Variants in GLIS3 observed in about 807,000 individuals in gnomAD.
GLIS3 encodes GLIS family zinc finger 3, also known as zinc finger protein GLIS3.
In GLIS3, 53 loss-of-function variants were observed where a neutral mutation model predicts 78.6. The ratio of observed to expected loss-of-function variants is 0.67; its 90% CI spans 0.54 to 0.85. GLIS3 has a LOEUF of 0.85. Ranked by LOEUF, GLIS3 falls within the 40% of genes least tolerant of loss-of-function variation. GLIS3 has a pLI of 0.00. For synonymous variants in GLIS3, 684 were observed against 509.9 expected (o/e 1.34, Z -4.60); for missense variants, 1,703 against 1,231.1 (o/e 1.38, Z -5.74).
chr9:4,152,927 C>T (rs1296488263), intron 2 of GLIS3, among the ~76,000 whole-genome samples: 1 of 152,122 alleles, frequency 6.6e-6, no homozygotes, highest in Non-Finnish European at 1.5e-5. Context: ...TTCATTCTTC[C>T]TAACTTTCTT....
intron 2 of GLIS3, among the ~76,000 whole-genome samples, chr9:4,129,756 A>C (rs1447476280): frequency 6.6e-6 from 1 of 152,164 alleles, no homozygotes; most frequent in African/African-American, 2.4e-5. Context: ...GACTAATACC[A>C]AGGAGTGGGG....
chr9:4,167,187 G>A (rs1030693215), intron 2 of GLIS3, among the ~76,000 whole-genome samples: 11 of 152,196 alleles, frequency 7.2e-5, no homozygotes, highest in African/African-American at 2.2e-4. Flanking sequence ...GAGCAAAGCT[G>A]CAACAGGAGC....
the GLIS3 span, among the ~76,000 whole-genome samples, chr9:4,428,144 G>A: frequency 6.6e-6 from 1 of 151,932 alleles, no homozygotes; most frequent in African/African-American, 2.4e-5. Flanking sequence ...GACCCCTTAG[G>A]GAAAGGGAGC....
intron 2 of GLIS3, among the ~76,000 whole-genome samples, chr9:4,282,797 T>C (rs1483765923): frequency 1.3e-5 from 2 of 152,158 alleles, no homozygotes; most frequent in African/African-American, 4.8e-5. Context: ...TATTTGTCTA[T>C]TTCTCTGGAA....
chr9:4,481,572 A>G, the GLIS3 span, among the ~76,000 whole-genome samples: 2 of 151,634 alleles, frequency 1.3e-5, no homozygotes, highest in African/African-American at 4.8e-5. Context: ...TCATTTCCCC[A>G]TGTAATTCCC....
chr9:3,974,285 T>C (rs974654561), intron 4 of GLIS3, among the ~76,000 whole-genome samples: 5 of 152,180 alleles, frequency 3.3e-5, no homozygotes, highest in Admixed American at 2.6e-4. Context: ...AAAGAGACTA[T>C]GGTTTAGTTT....
At chr9:4,307,061 AGTTATGGCAATGAT>A (rs1817243357) in intron 4 of GLIS3, among the ~76,000 whole-genome samples, 1 of 152,222 alleles carries the variant, frequency 6.6e-6, no homozygotes, top group Non-Finnish European at 1.5e-5. Flanking sequence ...GACACAGTTT[AGTTATGGCAATGAT>A]AACAACTCAC....
At chr9:4,362,434 T>C in the GLIS3 span, among the ~76,000 whole-genome samples, 1 of 152,226 alleles carries the variant, frequency 6.6e-6, no homozygotes, top group East Asian at 1.9e-4. Context: ...ATGAGCCATC[T>C]CAGCTGAAGC....
chr9:4,388,162 C>T, the GLIS3 span, among the ~76,000 whole-genome samples: 8,950 of 152,190 alleles, frequency 0.059, 773 homozygotes, highest in African/African-American at 0.19. Flanking sequence ...CAAACCCCTT[C>T]ACAAATAAAA....
intron 2 of GLIS3, among the ~76,000 whole-genome samples, chr9:4,139,452 G>A (rs1833641812): frequency 6.6e-6 from 1 of 152,230 alleles, no homozygotes; most frequent in African/African-American, 2.4e-5. Flanking sequence ...AGAAGACTGA[G>A]GTCCCTGGTG....
intron 2 of GLIS3, among the ~76,000 whole-genome samples, chr9:4,314,789 C>G (rs955301928): frequency 1.8e-4 from 27 of 152,312 alleles, no homozygotes; most frequent in African/African-American, 6.5e-4. Context: ...GTTCCTTTAA[C>G]CTCTGTCCCT....
At chr9:4,462,147 A>T in the GLIS3 span, among the ~76,000 whole-genome samples, 6 of 152,164 alleles carry the variant, frequency 3.9e-5, no homozygotes, top group Non-Finnish European at 7.3e-5. Context: ...GGTCTATAAA[A>T]GGACTCCCCA....
chr9:4,080,213 T>G (rs894454221), intron 4 of GLIS3, among the ~76,000 whole-genome samples: 1 of 152,202 alleles, frequency 6.6e-6, no homozygotes, highest in Non-Finnish European at 1.5e-5. Flanking sequence ...TTCCCATTTA[T>G]TTTTCCAGCA....
chr9:4,420,071 A>C, the GLIS3 span, among the ~76,000 whole-genome samples: 1 of 152,294 alleles, frequency 6.6e-6, no homozygotes, highest in South Asian at 2.1e-4. Context: ...TGGCTGTTGA[A>C]GGCTATCAGC....
chr9:4,474,427 T>C, the GLIS3 span, among the ~76,000 whole-genome samples: 7 of 152,264 alleles, frequency 4.6e-5, no homozygotes, highest in South Asian at 2.1e-4. Context: ...CACATATACA[T>C]ATGCCAAAGT....
chr9:4,458,157 G>T, the GLIS3 span, among the ~76,000 whole-genome samples: 1,619 of 152,200 alleles, frequency 0.011, 7 homozygotes, highest in Middle Eastern at 0.027. Context: ...TGCCAACTTT[G>T]TTCTCTCTTA....
At chr9:4,097,770 A>G (rs1830074608) in intron 4 of GLIS3, among the ~76,000 whole-genome samples, 1 of 152,212 alleles carries the variant, frequency 6.6e-6, no homozygotes, top group South Asian at 2.1e-4. Flanking sequence ...CAGGCAGTTT[A>G]TTGAGATCAT....
At chr9:3,847,830 G>A (rs1819153051) in intron 9 of GLIS3, among the ~76,000 whole-genome samples, 1 of 152,198 alleles carries the variant, frequency 6.6e-6, no homozygotes, top group Non-Finnish European at 1.5e-5. Context: ...TAGTAATTAA[G>A]TATATGAGAG....
chr9:4,280,005 G>A (rs1827403826), intron 2 of GLIS3, among the ~76,000 whole-genome samples: 1 of 151,858 alleles, frequency 6.6e-6, no homozygotes, highest in Non-Finnish European at 1.5e-5. Flanking sequence ...ATATAAAATT[G>A]AAATATGGAT....
Sources: gnomAD v4.1 joint callset for allele counts (sites outside exome capture counted in the v4.1 genomes callset) on GRCh38, gnomAD v4.1.1 for gene constraint, MANE v1.5 for transcripts, NCBI Gene and HGNC (gene_info 2026-07-23, HGNC 2026-07-21) for gene names.